The following IMMP2L variants were observed in gnomAD, a reference collection of about 807,000 sequenced individuals.
IMMP2L encodes the protein inner mitochondrial membrane peptidase subunit 2.
In IMMP2L, 18 loss-of-function variants were observed where a neutral mutation model predicts 19.3. The ratio of observed to expected loss-of-function variants is 0.93; its 90% CI spans 0.64 to 1.38. The LOEUF (loss-of-function observed/expected upper bound fraction) is 1.38. Among genes scored for constraint, IMMP2L ranks in the 40% most tolerant of loss-of-function variants. The pLI, the probability that IMMP2L is intolerant of heterozygous loss-of-function variation, is 0.00. For synonymous variants in IMMP2L, 76 were observed against 73.0 expected (o/e 1.04, Z -0.21); for missense variants, 233 against 218.2 (o/e 1.07, Z -0.43).
intron 3 of IMMP2L, among the ~76,000 whole-genome samples, chr7:111,415,736 A>C (rs1834901603): frequency 6.6e-6 from 1 of 151,852 alleles, no homozygotes; most frequent in African/African-American, 2.4e-5. Flanking sequence ...AAAATGCAAC[A>C]ACAAATCTAT....
At chr7:111,323,915 C>G (rs1825030023) in intron 3 of IMMP2L, among the ~76,000 whole-genome samples, 1 of 152,052 alleles carries the variant, frequency 6.6e-6, no homozygotes, top group Admixed American at 6.6e-5. Flanking sequence ...ACTGCATGTT[C>G]TCACTCACAG....
At chr7:111,524,899 C>A (rs1289292249) in intron 1 of IMMP2L, among the ~76,000 whole-genome samples, 2 of 152,100 alleles carry the variant, frequency 1.3e-5, no homozygotes, top group African/African-American at 4.8e-5. Flanking sequence ...ATCATCCATC[C>A]ACTCATCTAC....
intron 3 of IMMP2L, among the ~76,000 whole-genome samples, chr7:111,104,507 A>G (rs1798326212): frequency 6.6e-6 from 1 of 151,768 alleles, no homozygotes; most frequent in Non-Finnish European, 1.5e-5. Context: ...GCTGATATCA[A>G]TTTTTTAAAA....
intron 5 of IMMP2L, among the ~76,000 whole-genome samples, chr7:110,852,993 AACT>A (rs1388707171): frequency 2.6e-5 from 4 of 152,060 alleles, no homozygotes; most frequent in African/African-American, 9.7e-5. Flanking sequence ...TGTTTTAAAC[AACT>A]ACATCTTGAG....
chr7:110,862,091 G>T (rs960515841), intron 5 of IMMP2L, among the ~76,000 whole-genome samples: 66 of 152,036 alleles, frequency 4.3e-4, no homozygotes, highest in African/African-American at 1.5e-3. Flanking sequence ...TAAATAAACT[G>T]TGTGCATGTA....
chr7:110,946,182 T>C (rs1476356085), intron 4 of IMMP2L, among the ~76,000 whole-genome samples: 4 of 152,120 alleles, frequency 2.6e-5, no homozygotes, highest in Non-Finnish European at 4.4e-5. Flanking sequence ...CGATTCAAAG[T>C]GGAGAGAGTG....
At position 110,663,735 on chromosome 7, in the gene IMMP2L, A is replaced by G; in HGVS notation, c.409-14T>C. ...TCCTAGGGAAACCTTAATTCATGAG[A>G]AACAGAAAGAAAGCAATAAAGAGAT... On this transcript the variant is annotated splice_polypyrimidine_tract_variant and intron_variant, in intron 5 of 5. Coordinates refer to ENST00000405709, the MANE Select transcript of IMMP2L (RefSeq NM_032549.4). 1.3e-6 allele frequency: 2 copies of G among 1,535,466 alleles called. No homozygotes were observed. The highest frequency in any genetic ancestry group is 1.2e-5 in the South Asian group (1 of 81,482).
chr7:111,271,860 A>C (rs1818508682), intron 3 of IMMP2L, among the ~76,000 whole-genome samples: 1 of 152,096 alleles, frequency 6.6e-6, no homozygotes, highest in Non-Finnish European at 1.5e-5. Context: ...TCAAGCTTAG[A>C]AGTCATTCTT....
chr7:111,522,061 A>G (rs1220838224), intron 1 of IMMP2L, among the ~76,000 whole-genome samples: 1 of 152,104 alleles, frequency 6.6e-6, no homozygotes, highest in African/African-American at 2.4e-5. Flanking sequence ...AGTAAAGATG[A>G]CAAAGCAACA....
Position 111,422,341 on chromosome 7 carries a change from T to C in IMMP2L, c.239+64897A>G, listed in dbSNP as rs565703176. On this transcript the variant is annotated intron_variant, in intron 3 of 5. Coordinates refer to ENST00000405709, the MANE Select transcript of IMMP2L (RefSeq NM_032549.4). Reference sequence around the variant, plus strand: ...ATGGCCATTTTCATGATATTGATTCTTCCTATCCATGAGCAAGGGATATTC... The same window carrying C: ...ATGGCCATTTTCATGATATTGATTCCTCCTATCCATGAGCAAGGGATATTC... Among the ~76,000 whole-genome samples, 9 of 152,034 alleles carry C rather than the reference T, an allele frequency of 5.9e-5. 1 individual carries two copies. Among genetic ancestry groups the C allele is most frequent in the African/African-American group, 2.2e-4 (9 of 41,310 alleles).
At chr7:111,032,467 T>C (rs558192787) in intron 3 of IMMP2L, among the ~76,000 whole-genome samples, 2 of 152,228 alleles carry the variant, frequency 1.3e-5, no homozygotes, top group African/African-American at 2.4e-5. Context: ...AAATGACTTA[T>C]ATCCAAAATA....
chr7:110,749,350 A>G (rs1297862341), intron 5 of IMMP2L, among the ~76,000 whole-genome samples: 5 of 152,200 alleles, frequency 3.3e-5, no homozygotes, highest in Non-Finnish European at 7.4e-5. Flanking sequence ...TTCCTCAAGG[A>G]TCTAGAACTA....
At chr7:110,783,312 C>A (rs1251900332) in intron 5 of IMMP2L, among the ~76,000 whole-genome samples, 2 of 151,802 alleles carry the variant, frequency 1.3e-5, no homozygotes, top group African/African-American at 4.8e-5. Context: ...TAGGTACCAA[C>A]ATCCTCAATT....
intron 1 of IMMP2L, among the ~76,000 whole-genome samples, chr7:111,539,195 G>GAAA (rs1848234277): frequency 8.5e-5 from 2 of 23,626 alleles, no homozygotes; most frequent in African/African-American, 1.8e-4. Context: ...AAGGAAGGAG[G>GAAA]GAGAAAGAAA....
rs575701183 is a variant in IMMP2L at position 111,451,456 on chromosome 7, G to A, written c.239+35782C>T. ...AAACCATCATTCTCAGTAAACTATC[G>A]CAAGAACAAAAAACCAAACACTGCA... On this transcript the variant is annotated intron_variant, in intron 3 of 5. Coordinates refer to ENST00000405709, the MANE Select transcript of IMMP2L (RefSeq NM_032549.4). Among the ~76,000 whole-genome samples the A allele has an allele frequency of 1.2e-4, 17 of 146,948 alleles. No individual in the cohort carries two copies. The East Asian group carries it at 1.6e-3, about 14-fold the overall frequency.
At chr7:111,347,025 T>A (rs1827634645) in intron 3 of IMMP2L, among the ~76,000 whole-genome samples, 1 of 151,794 alleles carries the variant, frequency 6.6e-6, no homozygotes. Flanking sequence ...ATCACTAATG[T>A]GATTGATAAG....
intron 3 of IMMP2L, among the ~76,000 whole-genome samples, chr7:111,120,639 T>G (rs1299586169): frequency 6.6e-6 from 1 of 152,200 alleles, no homozygotes; most frequent in Non-Finnish European, 1.5e-5. Context: ...AGCCAAATGT[T>G]AATCTTGTGA....
At chr7:111,428,743 C>G (rs1243832918) in intron 3 of IMMP2L, among the ~76,000 whole-genome samples, 1 of 151,710 alleles carries the variant, frequency 6.6e-6, no homozygotes, top group African/African-American at 2.4e-5. Flanking sequence ...ACTATCTATA[C>G]CACCTTTCCA....
intron 3 of IMMP2L, among the ~76,000 whole-genome samples, chr7:111,067,605 TC>T (rs1794621500): frequency 6.6e-6 from 1 of 152,146 alleles, no homozygotes; most frequent in Admixed American, 6.5e-5. Flanking sequence ...TCTCAACTTC[TC>T]CTAATCTGAG....
Sources: allele counts gnomAD v4.1 joint callset (sites outside exome capture counted in the v4.1 genomes callset), GRCh38; gene constraint gnomAD v4.1.1; transcripts MANE v1.5; gene names NCBI Gene and HGNC (gene_info 2026-07-23, HGNC 2026-07-21).